Variants in ZBTB20 observed in about 807,000 individuals in gnomAD.
ZBTB20 encodes zinc finger and BTB domain-containing protein 20.
A neutral mutation model predicts 56.9 loss-of-function variants in ZBTB20; 9 were observed. The ratio of observed to expected loss-of-function variants is 0.16; its 90% confidence interval spans 0.10 to 0.28. The LOEUF (loss-of-function observed/expected upper bound fraction) is 0.28, where lower values mean the gene tolerates loss of function less well. Ranked by LOEUF, ZBTB20 falls within the 10% of genes least tolerant of loss-of-function variation. The pLI, the probability that ZBTB20 is intolerant of heterozygous loss-of-function variation, is 1.00. For synonymous variants in ZBTB20, 417 were observed against 420.7 expected (o/e 0.99, Z 0.11); for missense variants, 655 against 1,003.0 (o/e 0.65, Z 4.69).
intron 5 of ZBTB20, among the ~76,000 whole-genome samples, chr3:114,746,469 T>C (rs1007235182): frequency 6.6e-6 from 1 of 152,134 alleles, no homozygotes; most frequent in African/African-American, 2.4e-5. Context: ...CACCTTTTAG[T>C]GGAATGCAGT....
At chr3:114,384,259 T>C (rs2084803479) in intron 8 of ZBTB20, among the ~76,000 whole-genome samples, 2 of 151,600 alleles carry the variant, frequency 1.3e-5, no homozygotes, top group South Asian at 2.1e-4. Context: ...ATGAAAAAGT[T>C]AGACAAGCCA....
rs12488847 is a variant in ZBTB20, at chr3:114,507,055, T to C, written c.-294-6664A>G. The stretch of plus-strand genomic sequence containing the variant: ...GAAAGTTGTTAAATCAGTAAATAAA[T>C]AGCACCAGAGAGAGGTCAAGGAAAA... On this transcript the variant is annotated intron_variant, in intron 6 of 11. Coordinates refer to ENST00000675478, the MANE Select transcript of ZBTB20 (RefSeq NM_001348800.3). Among the ~76,000 whole-genome samples the C allele has an allele frequency of 2.0e-3, 298 of 152,296 alleles. 7 individuals carry two copies. The highest frequency in any genetic ancestry group is 0.017 in the Admixed American group (263 of 15,286).
intron 4 of ZBTB20, among the ~76,000 whole-genome samples, chr3:114,853,696 A>C (rs2075114413): frequency 6.6e-6 from 1 of 152,252 alleles, no homozygotes; most frequent in Non-Finnish European, 1.5e-5. Context: ...GAGATTTTAA[A>C]AATCTAAACT....
intron 3 of ZBTB20, among the ~76,000 whole-genome samples, chr3:114,956,104 A>C (rs1231170654): frequency 6.6e-6 from 1 of 152,204 alleles, no homozygotes. Context: ...TGCTATATTG[A>C]CAAAAGTATG....
At chr3:114,917,238 T>C (rs1345487251) in intron 3 of ZBTB20, among the ~76,000 whole-genome samples, 1 of 152,222 alleles carries the variant, frequency 6.6e-6, no homozygotes, top group African/African-American at 2.4e-5. Flanking sequence ...TGTCAATCTA[T>C]TTGTTAAATT....
chr3:114,316,327 C>A lies in ZBTB20; in HGVS notation c.*22678G>T. On this transcript the variant is annotated 3_prime_UTR_variant, in exon 12 of 12. Coordinates refer to ENST00000675478, the MANE Select transcript of ZBTB20 (RefSeq NM_001348800.3). ...CATACAGAAATGACCAAAGTCACTG[C>A]AAGTAGCTGTTTTTATTTTTTGTGA... is the stretch of plus-strand genomic sequence containing the variant. The A allele has an allele frequency of 2.5e-6, 1 of 398,828 alleles. No individual in the cohort carries two copies. Among genetic ancestry groups the A allele is most frequent in the South Asian group, 1.9e-5 (1 of 52,064 alleles). The allele number at this position is 398,828 out of a possible 1,614,324, so 24.7% of individuals were successfully genotyped here.
In ZBTB20 at chr3:114,329,174, A is replaced by G. The variant is rs1040887687; in HGVS notation, c.*9831T>C. Reference sequence around the variant, plus strand: ...GTGAAAAGGGACTTGCTGGAGAGGTACAGCAGAATGGGATGGGATTAGAAA... The same window carrying G: ...GTGAAAAGGGACTTGCTGGAGAGGTGCAGCAGAATGGGATGGGATTAGAAA... On this transcript the variant is annotated 3_prime_UTR_variant, in exon 12 of 12. Transcript: ENST00000675478. The G allele has an allele frequency of 2.6e-5, 4 of 152,250 alleles. No homozygotes were observed. Among genetic ancestry groups the G allele is most frequent in the African/African-American group, 9.6e-5 (4 of 41,454 alleles). The allele number at this position is 152,250 out of a possible 1,614,324, so 9.4% of individuals were successfully genotyped here.
chr3:114,530,679 T>C (rs957086111), intron 6 of ZBTB20, among the ~76,000 whole-genome samples: 1 of 152,220 alleles, frequency 6.6e-6, no homozygotes, highest in African/African-American at 2.4e-5. Context: ...TTACCACCTA[T>C]GAAATTACAG....
intron 1 of ZBTB20, among the ~76,000 whole-genome samples, chr3:115,076,760 A>G (rs2082611589): frequency 1.3e-5 from 2 of 152,220 alleles, no homozygotes; most frequent in Admixed American, 6.5e-5. Context: ...ATAGAAGAAA[A>G]TATCTACAAA....
chr3:114,376,819 T>C (rs2083691809), intron 10 of ZBTB20, among the ~76,000 whole-genome samples: 1 of 152,274 alleles, frequency 6.6e-6, no homozygotes, highest in African/African-American at 2.4e-5. Context: ...GGATATCAGC[T>C]TCCAACAAAA....
chr3:114,666,448 A>G (rs1001915563), intron 6 of ZBTB20, among the ~76,000 whole-genome samples: 8 of 152,056 alleles, frequency 5.3e-5, no homozygotes, highest in Admixed American at 5.3e-4. Flanking sequence ...CTGGCAACAA[A>G]GGAGATTAGC....
intron 6 of ZBTB20, among the ~76,000 whole-genome samples, chr3:114,615,969 G>A (rs2057911197): frequency 6.6e-6 from 1 of 152,138 alleles, no homozygotes; most frequent in Admixed American, 6.5e-5. Flanking sequence ...AATGTACACG[G>A]CCAGGAGAAA....
intron 7 of ZBTB20, among the ~76,000 whole-genome samples, chr3:114,421,366 C>T (rs1239653075): frequency 6.6e-6 from 1 of 152,138 alleles, no homozygotes; most frequent in African/African-American, 2.4e-5. Context: ...TACAATACTC[C>T]TCTGGGGATA....
intron 4 of ZBTB20, among the ~76,000 whole-genome samples, chr3:114,864,159 T>C (rs1388015790): frequency 6.6e-6 from 1 of 152,136 alleles, no homozygotes; most frequent in Admixed American, 6.6e-5. Flanking sequence ...AAATCACTAG[T>C]ACATTCAGAA....
At chr3:114,731,868 G>A (rs1307713094) in intron 5 of ZBTB20, among the ~76,000 whole-genome samples, 7 of 151,710 alleles carry the variant, frequency 4.6e-5, no homozygotes, top group South Asian at 2.1e-4. Flanking sequence ...TAACTAATCC[G>A]GCTGTGCCTA....
intron 3 of ZBTB20, among the ~76,000 whole-genome samples, chr3:114,933,329 G>A (rs1267352259): frequency 6.6e-6 from 1 of 152,228 alleles, no homozygotes; most frequent in Non-Finnish European, 1.5e-5. Flanking sequence ...TGGGAAATGA[G>A]TTTAGTCCTT....
intron 7 of ZBTB20, among the ~76,000 whole-genome samples, chr3:114,488,340 TTG>T (rs752314735): frequency 2.0e-5 from 3 of 152,260 alleles, no homozygotes; most frequent in South Asian, 4.1e-4. Flanking sequence ...AATTTTTTTA[TTG>T]TGTTATTCAT....
At chr3:114,800,285 T>A (rs1021151391) in intron 5 of ZBTB20, among the ~76,000 whole-genome samples, 1 of 151,926 alleles carries the variant, frequency 6.6e-6, no homozygotes, top group African/African-American at 2.4e-5. Flanking sequence ...CTTCACCAAC[T>A]ATAAGCTTCT....
At chr3:114,471,700 T>C (rs2040148807) in intron 7 of ZBTB20, among the ~76,000 whole-genome samples, 1 of 152,168 alleles carries the variant, frequency 6.6e-6, no homozygotes, top group South Asian at 2.1e-4. Context: ...ACATTGTGTG[T>C]TGGAGGTCAG....
Sources: gnomAD v4.1 joint callset for allele counts (sites outside exome capture counted in the v4.1 genomes callset) on GRCh38, gnomAD v4.1.1 for gene constraint, MANE v1.5 for transcripts, NCBI Gene and HGNC (gene_info 2026-07-23, HGNC 2026-07-21) for gene names.